The following GGA1 variants were observed in gnomAD, a reference collection of about 807,000 sequenced individuals.
The protein encoded by GGA1 is ADP-ribosylation factor-binding protein GGA1.
In GGA1, 18 loss-of-function variants were observed where a neutral mutation model predicts 76.9. That is an observed-to-expected ratio of 0.23 (90% confidence interval 0.16 to 0.35). The LOEUF (loss-of-function observed/expected upper bound fraction) is 0.35, where lower values mean the gene tolerates loss of function less well. Ranked by LOEUF, GGA1 falls within the 10% of genes least tolerant of loss-of-function variation. GGA1 has a pLI of 1.00. For missense variants in GGA1, 755 were observed against 859.0 expected (o/e 0.88, Z 1.51); for synonymous variants, 342 against 354.7 (o/e 0.96, Z 0.40).
intron 11 of GGA1, among the ~76,000 whole-genome samples, chr22:37,628,633 C>T (rs2145986069): frequency 6.6e-6 from 1 of 152,342 alleles, no homozygotes; most frequent in South Asian, 2.1e-4. Flanking sequence ...TCTAGGGCAT[C>T]ATCAGTGCAC....
rs1275758700 is a variant in GGA1, at chr22:37,623,066, G to C, written c.610-261G>C. On this transcript the variant is annotated intron_variant, in intron 7 of 16. Coordinates refer to ENST00000343632, the MANE Select transcript of GGA1 (RefSeq NM_013365.5). This position sits in a 1 kb window ranked among gnomAD's most constrained non-coding sequence, Gnocchi z 4.6. ...TTCAGAAGCACCTGGTGAGGGGTTTGGAAACCCAGGTTCCTGGGCCATCTC... is the reference window on the plus strand; with the variant it reads ...TTCAGAAGCACCTGGTGAGGGGTTTCGAAACCCAGGTTCCTGGGCCATCTC... 1.3e-5 allele frequency among the ~76,000 whole-genome samples: 2 copies of C among 152,232 alleles called. No homozygotes were observed. The highest frequency in any genetic ancestry group is 4.8e-5 in the African/African-American group (2 of 41,462).
rs745564887 is a variant in GGA1 at position 37,618,484 on chromosome 22, T to A, written c.241T>A (p.Phe81Ile). 5.0e-6 allele frequency: 8 copies of A among 1,613,138 alleles called. No individual in the cohort carries two copies. Among genetic ancestry groups the A allele is most frequent in the Non-Finnish European group, 6.8e-6 (8 of 1,179,416 alleles). Residue 81 changes from phenylalanine (F) to isoleucine (I), a missense_variant, in exon 4 of 17, where the codon TTC (phenylalanine) becomes ATC (isoleucine). Phe to Ile is a conservative substitution (Grantham distance 21, BLOSUM62 0). Transcript: ENST00000343632. ...ATGCATGAAGAGCTGCGGCAAGCGG[T>A]TCCACGACGAAGTGGGCAAGTTCCG... ...ETCMKSCGKR[F>I]HDEVGKFRFL...
At position 37,632,156 on chromosome 22, in the gene GGA1, T is replaced by C. The variant is rs760017771; in HGVS notation, c.1689T>C (p.Ala563=). ...TCCGCAACATCGTGTTCCAGTCAGC[T>C]GTCCCCAAGGTGACAAGCCAGTCGG... The part of the protein sequence containing the change: ...QPIRNIVFQS[A]VPKVMKVKLQ... Residue 563 remains alanine, a synonymous_variant, in exon 15 of 17, where the codon GCT becomes GCC. Coordinates refer to ENST00000343632, the MANE Select transcript of GGA1 (RefSeq NM_013365.5). The surrounding 1 kb of genome is among the most constrained non-coding windows in gnomAD (Gnocchi z 5.1). 1 of 1,611,476 alleles carries C rather than the reference T, an allele frequency of 6.2e-7. No individual in the cohort carries two copies. The highest frequency in any genetic ancestry group is 8.5e-7 in the Non-Finnish European group (1 of 1,178,282).
At chr22:37,627,678 G>A (rs532172528) in intron 11 of GGA1, among the ~76,000 whole-genome samples, 5 of 152,326 alleles carry the variant, frequency 3.3e-5, no homozygotes, top group South Asian at 2.1e-4. Flanking sequence ...AGATGCAGCC[G>A]CACTTCCTGT....
chr22:37,609,382 C>T (rs1255094030), intron 1 of GGA1: 5 of 1,051,526 alleles, frequency 4.8e-6, no homozygotes, highest in Admixed American at 6.0e-5. Context: ...TGCTCATTAC[C>T]CCGTCCTGGA....
At chr22:37,631,152 T>A in intron 14 of GGA1, 53 bp downstream of exon 14, 1 of 1,369,184 alleles carries the variant, frequency 7.3e-7, no homozygotes, top group East Asian at 2.5e-5. Context: ...TGCTGCCCTG[T>A]CAGGAGCTCT....
chr22:37,632,309 A>G lies in GGA1; in HGVS notation c.1699-96A>G. 1 of 1,300,732 alleles carries G rather than the reference A, an allele frequency of 7.7e-7. No individual in the cohort carries two copies. The highest frequency in any genetic ancestry group is 2.3e-5 in the East Asian group (1 of 43,176). 80.6% of individuals were successfully genotyped at this position (1,300,732 alleles called of 1,614,324 possible). ...GAAGGGACCAGAAGGACTGAGCCCC[A>G]GGATCCCCGGAGGGGAGCTGGCAGG... On this transcript the variant is annotated intron_variant, in intron 15 of 16. Transcript: ENST00000343632. This position sits in a 1 kb window ranked among gnomAD's most constrained non-coding sequence, Gnocchi z 5.1.
At chr22:37,619,470 C>T (rs900285979) in intron 4 of GGA1, among the ~76,000 whole-genome samples, 1 of 152,032 alleles carries the variant, frequency 6.6e-6, no homozygotes, top group Non-Finnish European at 1.5e-5. Flanking sequence ...CCTCCACCTC[C>T]CAGGTTTGAG....
Position 37,614,322 on chromosome 22 carries a change from C to T in GGA1, c.128+48C>T, listed in dbSNP as rs368664787. 2.0e-5 allele frequency: 27 copies of T among 1,335,172 alleles called. No homozygotes were observed. In the African/African-American group the frequency reaches 3.7e-4, roughly 18 times the overall value. 82.7% of individuals were successfully genotyped at this position (1,335,172 alleles called of 1,614,324 possible). A position where few individuals can be genotyped will look rare whatever the true frequency, so the allele number is the denominator to read the frequency against. Reference sequence around the variant, plus strand: ...TTGCACTGCCCTGCACTCTCCAGAACCCAGTCTCGGGTACAATGGCCTGGG... The same window carrying T: ...TTGCACTGCCCTGCACTCTCCAGAATCCAGTCTCGGGTACAATGGCCTGGG... On this transcript the variant is annotated intron_variant, in intron 2 of 16. Transcript: ENST00000343632.
chr22:37,617,174 C>T, intron 3 of GGA1, 177 bp downstream of exon 3: 1 of 1,463,170 alleles, frequency 6.8e-7, no homozygotes, highest in South Asian at 1.4e-5. Context: ...GCGGGCTGGC[C>T]TCCCACCCCA....
chr22:37,619,061 C>T (rs764374155), intron 4 of GGA1, among the ~76,000 whole-genome samples: 19 of 152,190 alleles, frequency 1.2e-4, no homozygotes, highest in South Asian at 4.1e-4. Context: ...AGACCATGAA[C>T]GTTTCTTTTT....
rs764218814 is a variant in GGA1, at chr22:37,625,650, A to G, written c.941-147A>G. 21 of 525,562 alleles carry G rather than the reference A, an allele frequency of 4.0e-5. No individual in the cohort carries two copies. The highest frequency in any genetic ancestry group is 3.7e-5 in the Non-Finnish European group (11 of 298,794). The allele number at this position is 525,562 out of a possible 1,614,324, so 32.6% of individuals were successfully genotyped here. A position where few individuals can be genotyped will look rare whatever the true frequency, so the allele number is the denominator to read the frequency against. ...AGAGAGGTCCTGTTGAGCAGTTTCC[A>G]GGCAGGGGCTGGTGTGGCCAAGGAA... On this transcript the variant is annotated intron_variant, in intron 10 of 16. Coordinates refer to ENST00000343632, the MANE Select transcript of GGA1 (RefSeq NM_013365.5). The surrounding 1 kb of genome is among the most constrained non-coding windows in gnomAD (Gnocchi z 4.1).
chr22:37,630,902 G>A lies in GGA1; in HGVS notation c.1332-1G>A. On this transcript the variant is annotated splice_acceptor_variant, in intron 13 of 16. Coordinates refer to ENST00000343632, the MANE Select transcript of GGA1 (RefSeq NM_013365.5). LOFTEE classifies it high-confidence loss of function. The stretch of plus-strand genomic sequence containing the variant: ...TCTTAATGCACTGTCCCCCGATTAA[G>A]GGAGAAGCAGCAGCCAACCCCCCGG... 9 of 1,608,880 alleles carry A rather than the reference G, an allele frequency of 5.6e-6. No homozygotes were observed. Among genetic ancestry groups the A allele is most frequent in the Non-Finnish European group, 7.6e-6 (9 of 1,177,418 alleles).
At position 37,618,851 on chromosome 22, in the gene GGA1, A is replaced by G. The variant is rs9622660; in HGVS notation, c.303+305A>G. Reference sequence around the variant, plus strand: ...AATACATAAGCTGACAGATGGCTGTATGTGTCAGCCATCTCTGGCCTGAAA... The same window carrying G: ...AATACATAAGCTGACAGATGGCTGTGTGTGTCAGCCATCTCTGGCCTGAAA... On this transcript the variant is annotated intron_variant, in intron 4 of 16. Coordinates refer to ENST00000343632, the MANE Select transcript of GGA1 (RefSeq NM_013365.5). Among the ~76,000 whole-genome samples the G allele has an allele frequency of 4.7e-3, 717 of 152,222 alleles. 5 individuals carry two copies. Among genetic ancestry groups the G allele is most frequent in the African/African-American group, 0.017 (687 of 41,552 alleles).
rs1399290127 is a variant in GGA1, at chr22:37,625,276, G to A, written c.940+200G>A. On this transcript the variant is annotated intron_variant, in intron 10 of 16. Coordinates refer to ENST00000343632, the MANE Select transcript of GGA1 (RefSeq NM_013365.5). This position sits in a 1 kb window ranked among gnomAD's most constrained non-coding sequence, Gnocchi z 4.1. ...CAGCTGTGGGGGAAGAAGTCTGGTGGGGGAGCTGAGGGTTTGGTGAGGACA... is the reference window on the plus strand; with the variant it reads ...CAGCTGTGGGGGAAGAAGTCTGGTGAGGGAGCTGAGGGTTTGGTGAGGACA... Among the ~76,000 whole-genome samples the A allele has an allele frequency of 6.6e-6, 1 of 152,144 alleles. No individual in the cohort carries two copies. Among genetic ancestry groups the A allele is most frequent in the Non-Finnish European group, 1.5e-5 (1 of 68,016 alleles).
At chr22:37,630,661 A>T in intron 13 of GGA1, 1 of 533,086 alleles carries the variant, frequency 1.9e-6, no homozygotes, top group Non-Finnish European at 3.3e-6. Context: ...CCATCTCCCA[A>T]ACTCAAGCGA....
rs1264748627 is a variant in GGA1, at chr22:37,631,908, G to A, written c.1529-88G>A. On this transcript the variant is annotated intron_variant, in intron 14 of 16. Transcript: ENST00000343632. ...GCTCTTGTTGCCAGTACAGCAGCCA[G>A]CTCCTGAGGCCAGCCGGGTGGGGGC... is the stretch of plus-strand genomic sequence containing the variant. 9.2e-6 allele frequency: 11 copies of A among 1,191,754 alleles called. No homozygotes were observed. The East Asian group carries it at 9.9e-5, about 11-fold the overall frequency. The allele number at this position is 1,191,754 out of a possible 1,614,324, so 73.8% of individuals were successfully genotyped here.
intron 5 of GGA1, 133 bp downstream of exon 5, chr22:37,620,494 T>C (rs1208013149): frequency 3.2e-6 from 3 of 929,708 alleles, no homozygotes; most frequent in Non-Finnish European, 5.0e-6. Flanking sequence ...CTGGAGAAAG[T>C]ACATACAGCT....
At chr22:37,618,178 G>A (rs1314287668) in intron 3 of GGA1, 8 of 371,432 alleles carry the variant, frequency 2.2e-5, no homozygotes. Flanking sequence ...TTGGTACTCA[G>A]ATGTGGGGCC....
Sources: gnomAD v4.1 joint callset for allele counts (sites outside exome capture counted in the v4.1 genomes callset) on GRCh38, gnomAD v4.1.1 for gene constraint, Gnocchi (gnomAD v3.1) non-coding constraint, MANE v1.5 for transcripts, NCBI Gene and HGNC (gene_info 2026-07-23, HGNC 2026-07-21) for gene names.